Variants in LRRFIP2 observed in about 807,000 individuals in gnomAD.
The protein encoded by LRRFIP2 is leucine-rich repeat flightless-interacting protein 2.
Under a neutral mutation model 125.9 loss-of-function variants are expected in LRRFIP2, and 109 were observed. The observed-to-expected ratio is 0.87, with a 90% CI of 0.74 to 1.01. The LOEUF is 1.01. Ranked by LOEUF, LRRFIP2 falls within the 50% of genes least tolerant of loss-of-function variation. The probability of loss-of-function intolerance (pLI) is 0.00; values close to 1 mark genes in which losing one functional copy is unlikely to be tolerated. For synonymous variants in LRRFIP2, 291 were observed against 293.1 expected, an observed-to-expected ratio of 0.99 and a Z score of 0.07; for missense variants, 850 against 862.3, an observed-to-expected ratio of 0.99 and a Z score of 0.18.
intron 8 of LRRFIP2, 52 bp downstream of exon 8, chr3:37,112,863 A>T: frequency 9.9e-7 from 1 of 1,011,478 alleles, no homozygotes; most frequent in Non-Finnish European, 1.5e-6. Context: ...CATAATCCTT[A>T]AGTTCCTAAC....
At chr3:37,113,974 T>C (rs1452469131) in intron 7 of LRRFIP2, among the ~76,000 whole-genome samples, 1 of 152,200 alleles carries the variant, frequency 6.6e-6, no homozygotes, top group African/African-American at 2.4e-5. Flanking sequence ...TCTAGGTACG[T>C]ACTACTTGCC....
At position 37,063,768 on chromosome 3, in the gene LRRFIP2, C is replaced by CA. The variant is rs1388498026; in HGVS notation, c.1722dup (p.Gly575TrpfsTer11). Reference sequence around the variant, plus strand: ...TGTGACAGTAGTTCTTCCTTCTCTCCAGCAAGTTTTCGTAGCCTTACATCT... The same window carrying CA: ...TGTGACAGTAGTTCTTCCTTCTCTCCAAGCAAGTTTTCGTAGCCTTACATCT... On this transcript the variant is annotated frameshift_variant, in exon 24 of 28. Coordinates refer to ENST00000336686, the MANE Select transcript of LRRFIP2 (RefSeq NM_006309.4). LOFTEE classifies it high-confidence loss of function. 5 of 1,611,866 alleles carry CA rather than the reference C, an allele frequency of 3.1e-6. No homozygotes were observed. Among genetic ancestry groups the CA allele is most frequent in the Non-Finnish European group, 4.2e-6 (5 of 1,178,258 alleles).
intron 20 of LRRFIP2, among the ~76,000 whole-genome samples, chr3:37,074,485 G>T (rs1559719156): frequency 6.6e-6 from 1 of 152,180 alleles, no homozygotes; most frequent in African/African-American, 2.4e-5. Flanking sequence ...TGTTTTCAAA[G>T]AGTTCTTGGT....
chr3:37,121,930 TA>T (rs1463282782), intron 4 of LRRFIP2, among the ~76,000 whole-genome samples: 1 of 151,774 alleles, frequency 6.6e-6, no homozygotes, highest in Admixed American at 6.6e-5. Flanking sequence ...TTTTTTTTTT[TA>T]ATTATACTTT....
chr3:37,144,968 T>C (rs964141961), intron 2 of LRRFIP2, among the ~76,000 whole-genome samples: 1 of 152,148 alleles, frequency 6.6e-6, no homozygotes, highest in African/African-American at 2.4e-5. Context: ...TTTAATTTTG[T>C]TTACTCTTCC....
chr3:37,075,008 C>T lies in LRRFIP2; in HGVS notation c.1371+16G>A. 1 of 1,580,384 alleles carries T rather than the reference C, an allele frequency of 6.3e-7. No homozygotes were observed. The highest frequency in any genetic ancestry group is 1.1e-5 in the South Asian group (1 of 90,308). ...TTTTTTTCAAAATTAAGTATTCCCA[C>T]AGTTCATGTACATACCTCAATAAGC... On this transcript the variant is annotated intron_variant, in intron 20 of 27. Coordinates refer to ENST00000336686, the MANE Select transcript of LRRFIP2 (RefSeq NM_006309.4).
At chr3:37,127,300 G>A (rs2095307975) in intron 4 of LRRFIP2, among the ~76,000 whole-genome samples, 3 of 151,912 alleles carry the variant, frequency 2.0e-5, no homozygotes, top group Admixed American at 6.6e-5. Flanking sequence ...TTTCAATGAA[G>A]ACCATGTGGA....
intron 11 of LRRFIP2, 117 bp downstream of exon 11, chr3:37,109,410 A>G (rs2094467481): frequency 7.2e-6 from 8 of 1,104,896 alleles, no homozygotes; most frequent in South Asian, 6.3e-5. Flanking sequence ...TGCAGTATAC[A>G]TGACACTAAA....
chr3:37,106,255 C>G (rs546608152), intron 13 of LRRFIP2, among the ~76,000 whole-genome samples: 5 of 152,198 alleles, frequency 3.3e-5, no homozygotes, highest in Admixed American at 2.6e-4. Context: ...GAAATTCCTA[C>G]AACAAGGACA....
intron 17 of LRRFIP2, among the ~76,000 whole-genome samples, chr3:37,092,840 A>G (rs2093524842): frequency 6.6e-6 from 1 of 151,272 alleles, no homozygotes; most frequent in African/African-American, 2.4e-5. Context: ...CCCTACCGAC[A>G]ATTTATTTTT....
Position 37,121,472 on chromosome 3 carries a change from A to G in LRRFIP2, c.330+20T>C. The G allele has an allele frequency of 6.2e-7, 1 of 1,610,184 alleles. No individual in the cohort carries two copies. Among genetic ancestry groups the G allele is most frequent in the Non-Finnish European group, 8.5e-7 (1 of 1,176,444 alleles). On this transcript the variant is annotated intron_variant, in intron 6 of 27. Transcript: ENST00000336686. Reference sequence around the variant, plus strand: ...CTCACACGTAAGCTTTGTATTGTGTAGACAAGTTAAAATACCAACCCTGTG... The same window carrying G: ...CTCACACGTAAGCTTTGTATTGTGTGGACAAGTTAAAATACCAACCCTGTG...
At chr3:37,062,402 G>A (rs2089005127) in intron 24 of LRRFIP2, among the ~76,000 whole-genome samples, 1 of 152,060 alleles carries the variant, frequency 6.6e-6, no homozygotes, top group Non-Finnish European at 1.5e-5. Flanking sequence ...CACAGCATAT[G>A]GGAGGGGAAA....
chr3:37,073,374 T>G (rs1258379223), intron 20 of LRRFIP2, among the ~76,000 whole-genome samples: 1 of 152,224 alleles, frequency 6.6e-6, no homozygotes, highest in Admixed American at 6.5e-5. Flanking sequence ...ACACCATGAA[T>G]TTTGTATTAT....
chr3:37,087,336 T>C (rs2093121418), intron 18 of LRRFIP2, among the ~76,000 whole-genome samples: 2 of 152,176 alleles, frequency 1.3e-5, no homozygotes, highest in Non-Finnish European at 2.9e-5. Context: ...TCTGAGAGGC[T>C]AATAGCAGGA....
intron 5 of LRRFIP2, 37 bp from the exon 6 acceptor site, chr3:37,121,573 G>A (rs1310037676): frequency 1.2e-6 from 2 of 1,612,756 alleles, no homozygotes; most frequent in Admixed American, 1.7e-5. Flanking sequence ...AAAAGTTTGT[G>A]AGTGATTACA....
intron 14 of LRRFIP2, 69 bp from the exon 15 acceptor site, chr3:37,103,082 G>A (rs988843253): frequency 8.4e-7 from 1 of 1,197,510 alleles, no homozygotes; most frequent in Non-Finnish European, 1.2e-6. Context: ...TAAGAACATT[G>A]GCCAATTAGG....
chr3:37,076,312 C>T (rs774187315), intron 19 of LRRFIP2, among the ~76,000 whole-genome samples: 17 of 151,390 alleles, frequency 1.1e-4, no homozygotes, highest in Admixed American at 2.6e-4. Flanking sequence ...TCCCTTGAGC[C>T]GAAGAATTCA....
At chr3:37,084,581 G>A (rs899397381) in intron 18 of LRRFIP2, among the ~76,000 whole-genome samples, 12 of 152,112 alleles carry the variant, frequency 7.9e-5, no homozygotes, top group Admixed American at 1.3e-4. Flanking sequence ...TGGGAGGACC[G>A]ATTGAGCCCA....
chr3:37,146,237 AAT>A (rs2095853319), intron 2 of LRRFIP2, among the ~76,000 whole-genome samples: 1 of 152,168 alleles, frequency 6.6e-6, no homozygotes, highest in Non-Finnish European at 1.5e-5. Flanking sequence ...CATTTGTGCA[AAT>A]AGTTAAGATC....
Sources: allele counts gnomAD v4.1 joint callset (sites outside exome capture counted in the v4.1 genomes callset), GRCh38; gene constraint gnomAD v4.1.1; transcripts MANE v1.5; gene names NCBI Gene and HGNC (gene_info 2026-07-23, HGNC 2026-07-21).